The following EXOSC7 variants were observed in gnomAD, a reference collection of about 807,000 sequenced individuals.
EXOSC7 encodes exosome component 7, also known as exosome complex component RRP42.
Under a neutral mutation model 34.3 loss-of-function variants are expected in EXOSC7, and 25 were observed. The observed-to-expected ratio is 0.73, with a 90% CI of 0.53 to 1.02. EXOSC7 has a LOEUF of 1.02. Ranked by LOEUF, EXOSC7 falls within the 50% of genes least tolerant of loss-of-function variation. The pLI is 0.00. For missense variants in EXOSC7, 370 were observed against 368.5 expected (o/e 1.00, Z -0.03); for synonymous variants, 130 against 143.0 (o/e 0.91, Z 0.65).
chr3:44,997,181 A>G lies in EXOSC7; in HGVS notation c.349A>G (p.Ser117Gly), dbSNP rs1452145293. 1.2e-6 allele frequency: 2 copies of G among 1,614,014 alleles called. No homozygotes were observed. The highest frequency in any genetic ancestry group is 1.7e-6 in the Non-Finnish European group (2 of 1,180,006). The change falls in exon 4 of 8, where the codon AGC becomes GGC. Residue 117 changes from serine to glycine, a missense_variant. Ser to Gly is a moderately conservative substitution (Grantham distance 56, BLOSUM62 0). Around this residue, in one of 3 missense-constraint regions of EXOSC7, gnomAD observed 255 missense variants for 246.4 expected, o/e 1.03. Transcript: ENST00000265564. ...NTLYRIFNNK[S>G]SVDLKTLCIS... ...CCTCTATCGGATATTTAACAATAAA[A>G]GCAGTGTCGACTTAAAGACCCTCTG...
intron 6 of EXOSC7, among the ~76,000 whole-genome samples, chr3:45,006,675 C>A (rs1402022068): frequency 6.6e-6 from 1 of 151,896 alleles, no homozygotes; most frequent in African/African-American, 2.4e-5. Context: ...CTCGGCCTCC[C>A]AAAGTGCTGG....
At chr3:45,003,175 T>C (rs543033558) in intron 5 of EXOSC7, among the ~76,000 whole-genome samples, 1 of 152,274 alleles carries the variant, frequency 6.6e-6, no homozygotes, top group Admixed American at 6.5e-5. Context: ...CAGCAAGGAA[T>C]GGGGACTCTA....
At chr3:44,983,640 C>G (rs999197032) in intron 1 of EXOSC7, among the ~76,000 whole-genome samples, 1 of 152,162 alleles carries the variant, frequency 6.6e-6, no homozygotes, top group Non-Finnish European at 1.5e-5. Flanking sequence ...CATCAGTCTC[C>G]TCTGCTGAGA....
intron 1 of EXOSC7, among the ~76,000 whole-genome samples, chr3:44,982,723 C>CT (rs1338478762): frequency 2.0e-5 from 3 of 152,216 alleles, no homozygotes; most frequent in African/African-American, 7.2e-5. Flanking sequence ...GGAGCCAGCC[C>CT]TCAGGACTCT....
chr3:44,988,961 A>G (rs1559744098), intron 1 of EXOSC7, among the ~76,000 whole-genome samples, 179 bp from the exon 2 acceptor site: 3 of 152,216 alleles, frequency 2.0e-5, no homozygotes. Context: ...CTGAGTCTCC[A>G]TTTCCTCATA....
Position 45,011,414 on chromosome 3 carries a change from G to C in EXOSC7, c.*75G>C. 1 of 943,588 alleles carries C rather than the reference G, an allele frequency of 1.1e-6. No individual in the cohort carries two copies. Among genetic ancestry groups the C allele is most frequent in the Non-Finnish European group, 1.6e-6 (1 of 616,710 alleles). The allele number at this position is 943,588 out of a possible 1,614,324, so 58.5% of individuals were successfully genotyped here. A position where few individuals can be genotyped will look rare whatever the true frequency, so the allele number is the denominator to read the frequency against. On this transcript the variant is annotated 3_prime_UTR_variant, in exon 8 of 8. Transcript: ENST00000265564. The stretch of plus-strand genomic sequence containing the variant: ...AACCGGTTCGTATATATTTTTCTTC[G>C]CTGTTACGAATTTACAGCAGCATTT...
intron 5 of EXOSC7, chr3:45,004,560 TTTTTTTTTG>T (rs1351979938): frequency 6.6e-6 from 1 of 151,112 alleles, no homozygotes; most frequent in Non-Finnish European, 1.5e-5. Flanking sequence ...CTGGCGTTTT[TTTTTTTTTG>T]TTTTTTTTTT....
intron 1 of EXOSC7, among the ~76,000 whole-genome samples, chr3:44,986,502 A>C (rs1706420063): frequency 6.6e-6 from 1 of 152,158 alleles, no homozygotes; most frequent in African/African-American, 2.4e-5. Flanking sequence ...CAGCAAGCTG[A>C]GGGAGCCGGC....
chr3:44,987,927 T>G (rs553796877), intron 1 of EXOSC7, among the ~76,000 whole-genome samples: 2 of 152,368 alleles, frequency 1.3e-5, no homozygotes, highest in African/African-American at 4.8e-5. Flanking sequence ...TATGAACTCT[T>G]GGCTTTTTAA....
intron 1 of EXOSC7, among the ~76,000 whole-genome samples, chr3:44,987,124 G>A (rs937612707): frequency 1.0e-4 from 15 of 150,288 alleles, no homozygotes; most frequent in Admixed American, 2.7e-4. Flanking sequence ...AGTATCTATA[G>A]TATTCCACCC....
intron 1 of EXOSC7, among the ~76,000 whole-genome samples, chr3:44,988,174 G>C (rs1706472744): frequency 6.6e-6 from 1 of 152,164 alleles, no homozygotes; most frequent in Non-Finnish European, 1.5e-5. Context: ...AGACACAAGA[G>C]GATAGATATC....
chr3:45,002,529 G>A (rs1706910609), intron 5 of EXOSC7, among the ~76,000 whole-genome samples: 1 of 152,122 alleles, frequency 6.6e-6, no homozygotes, highest in African/African-American at 2.4e-5. Context: ...ATGGAAAATA[G>A]TTCACTAAAT....
intron 7 of EXOSC7, among the ~76,000 whole-genome samples, chr3:45,008,120 T>G (rs1226096959): frequency 1.3e-5 from 2 of 152,226 alleles, no homozygotes; most frequent in African/African-American, 4.8e-5. Flanking sequence ...TCAAGGCGCT[T>G]CTACAGTTCT....
chr3:44,995,678 C>T (rs1706701284), intron 3 of EXOSC7, among the ~76,000 whole-genome samples: 1 of 152,116 alleles, frequency 6.6e-6, no homozygotes, highest in Admixed American at 6.5e-5. Flanking sequence ...CAGGGAACAG[C>T]GAGGTTGCTA....
At chr3:44,995,981 T>C (rs1055782435) in intron 3 of EXOSC7, among the ~76,000 whole-genome samples, 6 of 152,174 alleles carry the variant, frequency 3.9e-5, no homozygotes, top group African/African-American at 1.4e-4. Flanking sequence ...TAAACCTGAA[T>C]GCTAATTGAC....
In EXOSC7 at chr3:44,987,154, G is replaced by C. The variant is rs544663706; in HGVS notation, c.58-1986G>C. ...CCACCCTTCATATAAGAAACAAGGA[G>C]ATATTAAAAAATTCATGTATTTGCT... On this transcript the variant is annotated intron_variant, in intron 1 of 7. Transcript: ENST00000265564. Among the ~76,000 whole-genome samples, 4 of 150,756 alleles carry C rather than the reference G, an allele frequency of 2.7e-5. No individual in the cohort carries two copies. The East Asian group carries it at 7.8e-4, about 29-fold the overall frequency.
chr3:44,991,333 G>A (rs1024139654), intron 3 of EXOSC7, among the ~76,000 whole-genome samples: 2 of 152,150 alleles, frequency 1.3e-5, no homozygotes, highest in African/African-American at 2.4e-5. Context: ...AAGTCACTGT[G>A]GATGATGGTG....
intron 5 of EXOSC7, chr3:45,002,313 A>C (rs562002825): frequency 1.3e-5 from 2 of 152,266 alleles, no homozygotes; most frequent in African/African-American, 4.8e-5. Context: ...AGAGGATCCT[A>C]TTAAAAAACG....
intron 4 of EXOSC7, among the ~76,000 whole-genome samples, chr3:44,997,785 G>A (rs1353103066): frequency 6.6e-6 from 1 of 152,200 alleles, no homozygotes; most frequent in South Asian, 2.1e-4. Context: ...TCTGTATGAT[G>A]TGAACACCTG....
Sources: allele counts gnomAD v4.1 joint callset (sites outside exome capture counted in the v4.1 genomes callset), GRCh38; gene constraint gnomAD v4.1.1; regional missense constraint gnomAD v4.1.1; transcripts MANE v1.5; gene names NCBI Gene and HGNC (gene_info 2026-07-23, HGNC 2026-07-21).